The following NAV1 variants were observed in gnomAD, a reference collection of about 807,000 sequenced individuals.
NAV1 encodes the protein neuron navigator 1.
Under a neutral mutation model 175.2 loss-of-function variants are expected in NAV1, and 18 were observed. The ratio of observed to expected loss-of-function variants is 0.10; its 90% CI spans 0.07 to 0.15. NAV1 has a LOEUF of 0.15. Ranked by LOEUF, NAV1 falls within the 10% of genes least tolerant of loss-of-function variation. The probability of loss-of-function intolerance (pLI) is 1.00; values close to 1 mark genes in which losing one functional copy is unlikely to be tolerated. For missense variants in NAV1, 1,731 were observed against 2,436.6 expected (o/e 0.71, Z 6.10); for synonymous variants, 897 against 978.7 (o/e 0.92, Z 1.56).
At chr1:201,794,079 C>T in intron 14 of NAV1, 1 of 698,920 alleles carries the variant, frequency 1.4e-6, no homozygotes, top group South Asian at 1.5e-5. Flanking sequence ...TCAAGTTTTG[C>T]AGAATTCCAA....
chr1:201,618,351 C>T (rs1383503257), upstream of NAV1, among the ~76,000 whole-genome samples: 3 of 152,206 alleles, frequency 2.0e-5, no homozygotes, highest in Admixed American at 6.5e-5. Flanking sequence ...ACAGTACCAC[C>T]GAAGGCAAAC....
intron 1 of NAV1, among the ~76,000 whole-genome samples, chr1:201,656,926 C>T (rs1318630218): frequency 6.6e-6 from 1 of 152,164 alleles, no homozygotes; most frequent in Non-Finnish European, 1.5e-5. Context: ...GACACAGGCC[C>T]CTTTGCCCTT....
chr1:201,605,182 C>T (rs74647138), intron 2 of NAV1, among the ~76,000 whole-genome samples: 2,555 of 149,878 alleles, frequency 0.017, 75 homozygotes, highest in African/African-American at 0.059. Context: ...CTCTCCCATG[C>T]CTTTGTGTTG....
At chr1:201,628,564 G>A (rs1299818511) in intron 1 of NAV1, among the ~76,000 whole-genome samples, 1 of 152,118 alleles carries the variant, frequency 6.6e-6, no homozygotes, top group Admixed American at 6.5e-5. Context: ...GACTCTCAGG[G>A]TTCCATGGCC....
At chr1:201,647,853 C>T (rs370567204), upstream of NAV1, among the ~76,000 whole-genome samples, 224 of 152,226 alleles carry the variant, frequency 1.5e-3, 2 homozygotes, top group African/African-American at 5.2e-3. Flanking sequence ...TCTGAGCCGC[C>T]CTCCCTCCGT....
At position 201,740,071 on chromosome 1, in the gene NAV1, C is replaced by T. The variant is rs1313531897; in HGVS notation, c.1226+21316C>T. 4.0e-6 allele frequency: 6 copies of T among 1,486,324 alleles called. No homozygotes were observed. The highest frequency in any genetic ancestry group is 5.4e-6 in the Non-Finnish European group (6 of 1,116,134). The allele number at this position is 1,486,324 out of a possible 1,614,324, so 92.1% of individuals were successfully genotyped here. On this transcript the variant is annotated intron_variant, in intron 3 of 29. Coordinates refer to ENST00000367296, the Ensembl canonical transcript of NAV1. The surrounding 1 kb of genome is among the most constrained non-coding windows in gnomAD (Gnocchi z 4.7). ...GATCCGGAAGAACGGTGAATTTCCC[C>T]CGCAGGTAAGCGCCCCCACCCCCCT...
In NAV1 at chr1:201,740,356, G is replaced by C. The variant is rs1673336053; in HGVS notation, c.1226+21601G>C. Among the ~76,000 whole-genome samples, 1 of 152,228 alleles carries C rather than the reference G, an allele frequency of 6.6e-6. No individual in the cohort carries two copies. Among genetic ancestry groups the C allele is most frequent in the Non-Finnish European group, 1.5e-5 (1 of 68,042 alleles). On this transcript the variant is annotated intron_variant, in intron 3 of 29. Transcript: ENST00000367296. This position sits in a 1 kb window ranked among gnomAD's most constrained non-coding sequence, Gnocchi z 4.7. ...AGGGCTCTAGGGAGTGGAAAGGGAA[G>C]GAAAGGAGCTTAGGCGCCCAGGAGA...
chr1:201,783,047 GT>G (rs1676439705), intron 6 of NAV1, among the ~76,000 whole-genome samples, 178 bp downstream of exon 10: 1 of 152,180 alleles, frequency 6.6e-6, no homozygotes, highest in Admixed American at 6.5e-5. Flanking sequence ...GTTTCTGACA[GT>G]TCTGAAAGAC....
intron 1 of NAV1, among the ~76,000 whole-genome samples, chr1:201,700,321 A>G (rs1042587304): frequency 6.6e-6 from 1 of 152,262 alleles, no homozygotes; most frequent in Non-Finnish European, 1.5e-5. Context: ...TGCACCCAAC[A>G]GACACATGAA....
At chr1:201,552,510 C>T (rs927682643) in intron 1 of NAV1, among the ~76,000 whole-genome samples, 3 of 152,130 alleles carry the variant, frequency 2.0e-5, no homozygotes, top group Non-Finnish European at 4.4e-5. Flanking sequence ...GGCTCTGACG[C>T]ATGTGGGGTA....
chr1:201,760,284 C>T lies in NAV1; in HGVS notation c.1227-20137C>T, dbSNP rs1003382394. On this transcript the variant is annotated intron_variant, in intron 3 of 29. Coordinates refer to ENST00000367296, the Ensembl canonical transcript of NAV1. ...GGGTTCGAGACTAGCCTTGGCAACA[C>T]GGTGAAACCCCGTCTCTACCAAAAA... Among the ~76,000 whole-genome samples the T allele has an allele frequency of 1.1e-4, 16 of 152,262 alleles. No individual in the cohort carries two copies. The East Asian group carries it at 2.5e-3, about 24-fold the overall frequency.
chr1:201,684,881 T>G (rs1483299732), intron 1 of NAV1, among the ~76,000 whole-genome samples: 3 of 149,610 alleles, frequency 2.0e-5, no homozygotes, highest in Non-Finnish European at 4.4e-5. Context: ...GAGAATGACG[T>G]GACCCCGGAA....
chr1:201,721,874 C>A (rs1396547243), intron 3 of NAV1, among the ~76,000 whole-genome samples: 1 of 152,140 alleles, frequency 6.6e-6, no homozygotes, highest in African/African-American at 2.4e-5. Flanking sequence ...GGGGATCATC[C>A]CTTTGACGGC....
intron 1 of NAV1, among the ~76,000 whole-genome samples, chr1:201,577,245 C>G (rs1434516210): frequency 6.6e-6 from 1 of 152,108 alleles, no homozygotes; most frequent in Non-Finnish European, 1.5e-5. Flanking sequence ...CTCTGTATGT[C>G]TTTTGTAACA....
chr1:201,726,066 T>C lies in NAV1; in HGVS notation c.1226+7311T>C, dbSNP rs777320097. ...GAAGTAGATGATAGCTGTTGCTTCATTGAAGATAATATCTAACAATTAGAA... is the reference window on the plus strand; with the variant it reads ...GAAGTAGATGATAGCTGTTGCTTCACTGAAGATAATATCTAACAATTAGAA... On this transcript the variant is annotated intron_variant, in intron 3 of 29. Transcript: ENST00000367296. Among the ~76,000 whole-genome samples the C allele has an allele frequency of 1.7e-4, 26 of 152,388 alleles. 1 individual carries two copies. Among genetic ancestry groups the C allele is most frequent in the Non-Finnish European group, 2.8e-4 (19 of 68,034 alleles).
chr1:201,604,537 C>A (rs759826065), intron 2 of NAV1, among the ~76,000 whole-genome samples: 85 of 152,004 alleles, frequency 5.6e-4, no homozygotes, highest in Non-Finnish European at 2.9e-4. Flanking sequence ...CAAAAATTAG[C>A]CGGGCATGCT....
intron 1 of NAV1, among the ~76,000 whole-genome samples, chr1:201,572,306 G>A (rs756284436): frequency 1.6e-4 from 24 of 151,972 alleles, no homozygotes; most frequent in Admixed American, 3.9e-4. Flanking sequence ...GCATTGTGTG[G>A]TAGGCCAAGT....
rs745423276 is a variant in NAV1 at position 201,718,760 on chromosome 1, G to T, written c.1226+5G>T. 11 of 1,592,174 alleles carry T rather than the reference G, an allele frequency of 6.9e-6. No individual in the cohort carries two copies. The highest frequency in any genetic ancestry group is 9.5e-6 in the Non-Finnish European group (11 of 1,163,434). ...GGATGATGACATCACTACCGGGTAA[G>T]CGCAGGGGCTTCTTGGATGGCGGGG... On this transcript the variant is annotated splice_donor_5th_base_variant and intron_variant, in intron 3 of 29. Transcript: ENST00000367296. The surrounding 1 kb of genome is among the most constrained non-coding windows in gnomAD (Gnocchi z 4.8).
At position 201,740,266 on chromosome 1, in the gene NAV1, G is replaced by T. The variant is rs1435538949; in HGVS notation, c.1226+21511G>T. Among the ~76,000 whole-genome samples the T allele has an allele frequency of 6.6e-6, 1 of 152,238 alleles. No homozygotes were observed. Among genetic ancestry groups the T allele is most frequent in the East Asian group, 1.9e-4 (1 of 5,194 alleles). ...TCCGCCAGAGAGGAGTGCCTGCGCCGCCGGAGCCTCCGAGCTCCTGGACGT... is the reference window on the plus strand; with the variant it reads ...TCCGCCAGAGAGGAGTGCCTGCGCCTCCGGAGCCTCCGAGCTCCTGGACGT... On this transcript the variant is annotated intron_variant, in intron 3 of 29. Transcript: ENST00000367296. This position sits in a 1 kb window ranked among gnomAD's most constrained non-coding sequence, Gnocchi z 4.7.
Sources: allele counts gnomAD v4.1 joint callset (sites outside exome capture counted in the v4.1 genomes callset), GRCh38; gene constraint gnomAD v4.1.1; non-coding constraint Gnocchi (gnomAD v3.1); transcripts MANE v1.5; gene names NCBI Gene and HGNC (gene_info 2026-07-23, HGNC 2026-07-21).